TRPC3: variants seen among roughly 807,000 people sequenced by gnomAD.
TRPC3 encodes short transient receptor potential channel 3.
A neutral mutation model predicts 90.9 loss-of-function variants in TRPC3; 54 were observed. That is an observed-to-expected ratio of 0.59 (90% CI 0.48 to 0.75). The LOEUF is 0.75. TRPC3 is among the 30% of genes least tolerant of loss of function. The pLI is 0.00. For synonymous variants in TRPC3, 424 were observed against 450.9 expected (o/e 0.94, Z 0.75); for missense variants, 918 against 1,194.5 (o/e 0.77, Z 3.41).
intron 1 of TRPC3, among the ~76,000 whole-genome samples, chr4:121,936,971 A>G (rs1560716412): frequency 6.6e-6 from 1 of 152,172 alleles, no homozygotes; most frequent in Non-Finnish European, 1.5e-5. Context: ...TTGTCCAAAC[A>G]CTTAAGCAGA....
At chr4:121,895,052 T>A (rs562140749) in intron 10 of TRPC3, among the ~76,000 whole-genome samples, 5 of 152,142 alleles carry the variant, frequency 3.3e-5, no homozygotes, top group Non-Finnish European at 5.9e-5. Context: ...AAACAACATA[T>A]TCCTGAATGA....
At chr4:121,935,067 C>G (rs1247680642) in intron 1 of TRPC3, among the ~76,000 whole-genome samples, 1 of 152,158 alleles carries the variant, frequency 6.6e-6, no homozygotes, top group Admixed American at 6.5e-5. Context: ...TGGACTGGGA[C>G]TAAGAAGTCA....
intron 2 of TRPC3, among the ~76,000 whole-genome samples, chr4:121,925,726 A>T (rs975795766): frequency 1.3e-5 from 2 of 152,224 alleles, no homozygotes; most frequent in Non-Finnish European, 2.9e-5. Context: ...GAGGTGACAG[A>T]TATGTTAATT....
Position 121,904,173 on chromosome 4 carries a change from G to A in TRPC3, c.2253+149C>T, listed in dbSNP as rs553520620. 12 of 634,846 alleles carry A rather than the reference G, an allele frequency of 1.9e-5. No homozygotes were observed. The Admixed American group carries it at 3.9e-4, about 20-fold the overall frequency. The allele number at this position is 634,846 out of a possible 1,614,324, so 39.3% of individuals were successfully genotyped here. On this transcript the variant is annotated intron_variant, in intron 8 of 11. Coordinates refer to ENST00000379645, the MANE Select transcript of TRPC3 (RefSeq NM_001130698.2). ...AGAATGTGTAGAGCTATCTATCCAG[G>A]TAGAAAACACAGGGAAAGGCTCAGG...
chr4:121,899,018 T>C (rs1728613198), intron 10 of TRPC3, among the ~76,000 whole-genome samples: 2 of 152,192 alleles, frequency 1.3e-5, no homozygotes, highest in Non-Finnish European at 2.9e-5. Context: ...TGTGAACTTA[T>C]ACACATTAGA....
chr4:121,918,764 T>C (rs1729405524), intron 3 of TRPC3, among the ~76,000 whole-genome samples: 1 of 152,210 alleles, frequency 6.6e-6, no homozygotes, highest in African/African-American at 2.4e-5. Flanking sequence ...TTTCCTCCAA[T>C]GATGTAAAAT....
Position 121,879,864 on chromosome 4 carries a change from T to C in TRPC3, c.2638A>G (p.Ile880Val), listed in dbSNP as rs1265598395. 2.5e-6 allele frequency: 4 copies of C among 1,590,574 alleles called. No homozygotes were observed. The highest frequency in any genetic ancestry group is 2.3e-5 in the East Asian group (1 of 43,860). Residue 880 changes from isoleucine to valine, a missense_variant, in exon 12 of 12, where the codon ATC becomes GTC. By Grantham distance (29) the Ile-to-Val change is conservative. Coordinates refer to ENST00000379645, the MANE Select transcript of TRPC3 (RefSeq NM_001130698.2). The stretch of plus-strand genomic sequence containing the variant: ...CGAAGGCTGGAGATATCTTGCTTGA[T>C]TTCTTTTAATTCACCTATAGTATTG... The part of the protein sequence containing the change: ...DEVNEGELKE[I>V]KQDISSLRYE...
chr4:121,939,449 C>T (rs989450958), intron 1 of TRPC3, among the ~76,000 whole-genome samples: 3 of 152,228 alleles, frequency 2.0e-5, no homozygotes, highest in Non-Finnish European at 4.4e-5. Flanking sequence ...AGCTCTCCCA[C>T]TTCTGACAGC....
chr4:121,945,709 A>G (rs1730463015), intron 1 of TRPC3, among the ~76,000 whole-genome samples: 1 of 152,150 alleles, frequency 6.6e-6, no homozygotes, highest in Non-Finnish European at 1.5e-5. Context: ...ACCCTCCTGC[A>G]CCCCTATGGG....
At chr4:121,936,830 A>G (rs1390143860) in intron 1 of TRPC3, among the ~76,000 whole-genome samples, 1 of 152,186 alleles carries the variant, frequency 6.6e-6, no homozygotes, top group Non-Finnish European at 1.5e-5. Flanking sequence ...CTGGAAGAAA[A>G]TAAATTTCTG....
At chr4:121,908,786 G>T (rs1325431828) in intron 6 of TRPC3, among the ~76,000 whole-genome samples, 1 of 152,130 alleles carries the variant, frequency 6.6e-6, no homozygotes, top group East Asian at 1.9e-4. Flanking sequence ...CCCAGGTAAT[G>T]AGGTCATTCC....
At chr4:121,940,183 A>G (rs948004742) in intron 1 of TRPC3, among the ~76,000 whole-genome samples, 1 of 152,124 alleles carries the variant, frequency 6.6e-6, no homozygotes, top group Non-Finnish European at 1.5e-5. Context: ...ACACTGTCCT[A>G]ACTGACCAAA....
intron 10 of TRPC3, 113 bp from the exon 11 acceptor site, chr4:121,882,542 A>G (rs937125832): frequency 4.9e-6 from 4 of 822,176 alleles, no homozygotes; most frequent in Non-Finnish European, 7.2e-6. Flanking sequence ...GGAGAAAAAA[A>G]TTTTATAACT....
chr4:121,892,844 G>A (rs114981284), intron 10 of TRPC3, among the ~76,000 whole-genome samples: 2,136 of 152,228 alleles, frequency 0.014, 26 homozygotes, highest in Non-Finnish European at 0.023. Flanking sequence ...AAGAGGTTGG[G>A]TGCTGGTGGC....
chr4:121,897,958 TGCAATTCA>T (rs1398896982), intron 10 of TRPC3, among the ~76,000 whole-genome samples: 22 of 152,142 alleles, frequency 1.4e-4, no homozygotes, highest in Admixed American at 1.4e-3. Context: ...CACAACGGAA[TGCAATTCA>T]GCTATAAAAA....
At chr4:121,924,825 A>C (rs1261382532) in intron 3 of TRPC3, among the ~76,000 whole-genome samples, 193 bp downstream of exon 3, 1 of 152,138 alleles carries the variant, frequency 6.6e-6, no homozygotes, top group Admixed American at 6.5e-5. Context: ...CAGGCCCCAA[A>C]GTGCTGGGAT....
At chr4:121,912,642 T>C (rs1729150779) in intron 4 of TRPC3, among the ~76,000 whole-genome samples, 1 of 152,170 alleles carries the variant, frequency 6.6e-6, no homozygotes, top group African/African-American at 2.4e-5. Flanking sequence ...CAGAAAATAT[T>C]AGAACCAAGA....
intron 4 of TRPC3, among the ~76,000 whole-genome samples, chr4:121,912,619 G>A (rs190228709): frequency 2.6e-5 from 4 of 152,262 alleles, no homozygotes; most frequent in Admixed American, 2.6e-4. Context: ...TACCTGGTAT[G>A]CTATAAAAAA....
chr4:121,915,661 T>C (rs930820987), intron 3 of TRPC3, among the ~76,000 whole-genome samples: 2 of 152,170 alleles, frequency 1.3e-5, no homozygotes, highest in Non-Finnish European at 2.9e-5. Context: ...TCAGGAAAAA[T>C]GAGCAAATTA....
Sources: gnomAD v4.1 joint callset for allele counts (sites outside exome capture counted in the v4.1 genomes callset) on GRCh38, gnomAD v4.1.1 for gene constraint, MANE v1.5 for transcripts, NCBI Gene and HGNC (gene_info 2026-07-23, HGNC 2026-07-21) for gene names.